Variants in LPP observed in about 807,000 individuals in gnomAD.
The protein encoded by LPP is lipoma-preferred partner.
In LPP, 38 loss-of-function variants were observed where a neutral mutation model predicts 60.4. The ratio of observed to expected loss-of-function variants is 0.63; its 90% CI spans 0.49 to 0.83. The LOEUF is 0.83. Ranked by LOEUF, LPP falls within the 40% of genes least tolerant of loss-of-function variation. The pLI is 0.00. For missense variants in LPP, 902 were observed against 783.6 expected (o/e 1.15, Z -1.80); for synonymous variants, 328 against 290.8 (o/e 1.13, Z -1.30).
chr3:188,815,595 A>G (rs1328973066), intron 9 of LPP, among the ~76,000 whole-genome samples: 1 of 152,100 alleles, frequency 6.6e-6, no homozygotes, highest in African/African-American at 2.4e-5. Context: ...TTAGGCAAGA[A>G]CTCCACAATG....
At chr3:188,524,830 T>G (rs776222195) in intron 6 of LPP, 43 bp downstream of exon 6, 1 of 1,577,656 alleles carries the variant, frequency 6.3e-7, no homozygotes, top group East Asian at 2.4e-5. Context: ...CATTCCCAGA[T>G]ATTCTACTCT....
At chr3:188,455,973 C>T (rs762532745) in intron 4 of LPP, among the ~76,000 whole-genome samples, 26 of 152,172 alleles carry the variant, frequency 1.7e-4, no homozygotes, top group Admixed American at 1.1e-3. Flanking sequence ...GCTTACTGCA[C>T]GCTCAAACTC....
chr3:188,405,881 CTTTCTT>C (rs1480025025), intron 3 of LPP, among the ~76,000 whole-genome samples: 1 of 6,832 alleles, frequency 1.5e-4, no homozygotes, highest in Non-Finnish European at 1.7e-3. Flanking sequence ...TCCTCTTTCT[CTTTCTT>C]TCTTTCTTTC....
At chr3:188,236,366 T>A (rs893025812) in intron 2 of LPP, among the ~76,000 whole-genome samples, 5 of 152,026 alleles carry the variant, frequency 3.3e-5, no homozygotes, top group African/African-American at 9.7e-5. Context: ...CAGAGATGTG[T>A]GGGTGGGATG....
At chr3:188,187,760 T>A (rs1257772671) in intron 1 of LPP, among the ~76,000 whole-genome samples, 1 of 152,174 alleles carries the variant, frequency 6.6e-6, no homozygotes, top group African/African-American at 2.4e-5. Flanking sequence ...TTTCAGATAT[T>A]TCCAGGCTTT....
intron 6 of LPP, among the ~76,000 whole-genome samples, chr3:188,579,164 C>T (rs762016935): frequency 3.9e-5 from 6 of 152,176 alleles, no homozygotes; most frequent in Non-Finnish European, 8.8e-5. Flanking sequence ...ATTCCAGGAA[C>T]GTGGCTAGAG....
intron 7 of LPP, among the ~76,000 whole-genome samples, chr3:188,694,732 C>G (rs189584827): frequency 1.3e-3 from 205 of 151,928 alleles, no homozygotes; most frequent in Middle Eastern, 6.8e-3. Flanking sequence ...TAAAAAACAA[C>G]CATGTCTCTC....
chr3:188,593,408 C>T (rs1355933652), intron 6 of LPP, among the ~76,000 whole-genome samples: 1 of 151,892 alleles, frequency 6.6e-6, no homozygotes. Context: ...TTAATATATT[C>T]ATTCATTCAT....
intron 4 of LPP, among the ~76,000 whole-genome samples, chr3:188,475,129 A>G (rs1464366827): frequency 1.3e-5 from 2 of 152,204 alleles, no homozygotes; most frequent in Non-Finnish European, 2.9e-5. Flanking sequence ...ACATTTGTAC[A>G]GGGTACTTAT....
At chr3:188,466,879 T>A (rs571311206) in intron 4 of LPP, among the ~76,000 whole-genome samples, 278 of 139,646 alleles carry the variant, frequency 2.0e-3, no homozygotes, top group Non-Finnish European at 3.4e-3. Context: ...ATCATAACAT[T>A]CATTTTTCTC....
chr3:188,358,441 TAACTTAAAGTAGATAGA>T (rs1768244784), intron 3 of LPP, among the ~76,000 whole-genome samples: 1 of 152,162 alleles, frequency 6.6e-6, no homozygotes, highest in African/African-American at 2.4e-5. Flanking sequence ...CAAACAACTA[TAACTTAAAGTAGATAGA>T]AACTTGCAGA....
chr3:188,716,566 A>G (rs1403660835), intron 8 of LPP, among the ~76,000 whole-genome samples: 3 of 152,206 alleles, frequency 2.0e-5, no homozygotes, highest in Non-Finnish European at 2.9e-5. Context: ...GAGAGAGGAA[A>G]ACCTAGAGCC....
chr3:188,819,147 A>G (rs1036446875), intron 9 of LPP, among the ~76,000 whole-genome samples: 2 of 151,500 alleles, frequency 1.3e-5, no homozygotes, highest in African/African-American at 2.4e-5. Flanking sequence ...TAAACACTTT[A>G]TCCTTTTCTT....
chr3:188,599,131 G>A (rs895047382), intron 6 of LPP, among the ~76,000 whole-genome samples: 4 of 152,058 alleles, frequency 2.6e-5, no homozygotes, highest in African/African-American at 9.7e-5. Context: ...TGTACTGTAT[G>A]GGTATTTATA....
chr3:188,562,233 G>A (rs1230013662), intron 6 of LPP: 2 of 151,960 alleles, frequency 1.3e-5, no homozygotes, highest in African/African-American at 2.4e-5. Flanking sequence ...AAAAGACAAT[G>A]AAAATCAAGT....
intron 7 of LPP, among the ~76,000 whole-genome samples, chr3:188,647,839 G>A (rs116096197): frequency 0.025 from 3,836 of 152,232 alleles, 54 homozygotes; most frequent in African/African-American, 0.037. Context: ...CTCAAAAAGT[G>A]TTCCTCTTTC....
At chr3:188,569,838 T>A (rs977084005) in intron 6 of LPP, among the ~76,000 whole-genome samples, 1 of 152,014 alleles carries the variant, frequency 6.6e-6, no homozygotes, top group African/African-American at 2.4e-5. Context: ...GTTTTTATTT[T>A]GCTTTTTTAC....
intron 1 of LPP, among the ~76,000 whole-genome samples, chr3:188,170,380 G>A (rs1260508521): frequency 2.1e-5 from 3 of 145,644 alleles, no homozygotes; most frequent in Non-Finnish European, 4.5e-5. Context: ...GCCCAGGCTG[G>A]AGTGCAGTGG....
At chr3:188,509,940 A>G (rs542729936) in intron 5 of LPP, among the ~76,000 whole-genome samples, 3 of 145,306 alleles carry the variant, frequency 2.1e-5, no homozygotes, top group Non-Finnish European at 4.5e-5. Flanking sequence ...GCTGGTCTCA[A>G]ACTTCTGACC....
Sources: allele counts gnomAD v4.1 joint callset (sites outside exome capture counted in the v4.1 genomes callset), GRCh38; gene constraint gnomAD v4.1.1; transcripts MANE v1.5; gene names NCBI Gene and HGNC (gene_info 2026-07-23, HGNC 2026-07-21).